FBXO25: variants seen among roughly 807,000 people sequenced by gnomAD.
The protein encoded by FBXO25 is F-box only protein 25.
A neutral mutation model predicts 51.9 loss-of-function variants in FBXO25; 45 were observed. The ratio of observed to expected loss-of-function variants is 0.87; its 90% CI spans 0.68 to 1.11. FBXO25 has a LOEUF of 1.11. Among genes scored for constraint, FBXO25 ranks in the 50% most tolerant of loss-of-function variants. FBXO25 has a pLI of 0.00. For missense variants in FBXO25, 507 were observed against 428.5 expected (o/e 1.18, Z -1.62); for synonymous variants, 199 against 151.0 (o/e 1.32, Z -2.33).
At chr8:419,518 T>G (rs1028178356) in intron 2 of FBXO25, among the ~76,000 whole-genome samples, 1 of 152,194 alleles carries the variant, frequency 6.6e-6, no homozygotes, top group Non-Finnish European at 1.5e-5. Flanking sequence ...GGTCGGTTTG[T>G]TTTTGACAGT....
intron 7 of FBXO25, among the ~76,000 whole-genome samples, chr8:452,249 A>C (rs997369897): frequency 6.6e-6 from 1 of 152,266 alleles, no homozygotes; most frequent in African/African-American, 2.4e-5. Flanking sequence ...ATGATTGCCT[A>C]GTTATGAGTC....
chr8:432,436 C>G (rs906612369), intron 3 of FBXO25, among the ~76,000 whole-genome samples: 1 of 152,086 alleles, frequency 6.6e-6, no homozygotes, highest in African/African-American at 2.4e-5. Flanking sequence ...ACTGTGAATA[C>G]GGGGGGACTA....
At chr8:444,445 A>T (rs1798615895) in intron 5 of FBXO25, among the ~76,000 whole-genome samples, 1 of 152,188 alleles carries the variant, frequency 6.6e-6, no homozygotes. Flanking sequence ...TTCTAGTTTT[A>T]TTATATTACC....
rs1800522297 is a variant in FBXO25 at position 472,764 on chromosome 8, C to CCTAA, written c.*3963_*3966dup. On this transcript the variant is annotated 3_prime_UTR_variant, in exon 10 of 10. Transcript: ENST00000350302. ...ATGGTTTTTCTTTTCATTGCGAAGG[C>CCTAA]CTAACTTAGTAGATAAGTGGACTGT... The CCTAA allele has an allele frequency of 6.6e-6, 1 of 152,294 alleles. No homozygotes were observed. The highest frequency in any genetic ancestry group is 6.5e-5 in the Admixed American group (1 of 15,296). The allele number at this position is 152,294 out of a possible 1,614,324, so 9.4% of individuals were successfully genotyped here. A position where few individuals can be genotyped will look rare whatever the true frequency, so the allele number is the denominator to read the frequency against.
intron 5 of FBXO25, among the ~76,000 whole-genome samples, chr8:447,726 C>T (rs1278497201): frequency 1.3e-5 from 2 of 152,076 alleles, no homozygotes; most frequent in African/African-American, 2.4e-5. Flanking sequence ...TACATATTAC[C>T]TGAAGGTAAT....
chr8:467,936 T>A lies in FBXO25; in HGVS notation c.988-779T>A, dbSNP rs957894152. Reference sequence around the variant, plus strand: ...ACCTCAGCAAGGACGAGAGTGTTGATGAAATATTTTGCAGAACAACACCTG... The same window carrying A: ...ACCTCAGCAAGGACGAGAGTGTTGAAGAAATATTTTGCAGAACAACACCTG... On this transcript the variant is annotated intron_variant, in intron 9 of 9. Transcript: ENST00000350302. 1.7e-5 allele frequency: 25 copies of A among 1,428,626 alleles called. No individual in the cohort carries two copies. The African/African-American group carries it at 3.3e-4, about 19-fold the overall frequency. 88.5% of individuals were successfully genotyped at this position (1,428,626 alleles called of 1,614,324 possible).
In FBXO25 at chr8:477,527, C is replaced by T. The variant is rs1476018525; in HGVS notation, c.*8723C>T. ...TGAAATTATAGGATGTCTGGGATTTCCTTTGAATCCGTGGGGCTGGGAGTA... is the reference window on the plus strand; with the variant it reads ...TGAAATTATAGGATGTCTGGGATTTTCTTTGAATCCGTGGGGCTGGGAGTA... On this transcript the variant is annotated 3_prime_UTR_variant, in exon 10 of 10. Transcript: ENST00000350302. 1 of 152,186 alleles carries T rather than the reference C, an allele frequency of 6.6e-6. No individual in the cohort carries two copies. Among genetic ancestry groups the T allele is most frequent in the Non-Finnish European group, 1.5e-5 (1 of 68,040 alleles). 9.4% of individuals were successfully genotyped at this position (152,186 alleles called of 1,614,324 possible). A position where few individuals can be genotyped will look rare whatever the true frequency, so the allele number is the denominator to read the frequency against.
chr8:468,935 C>T lies in FBXO25; in HGVS notation c.*131C>T, dbSNP rs906458972. ...TTCCAGAAAGCCTGGGAAGAACTGC[C>T]CTTCTGCAAAGGGGGGACTGCATGG... On this transcript the variant is annotated 3_prime_UTR_variant, in exon 10 of 10. Transcript: ENST00000350302. 9 of 792,322 alleles carry T rather than the reference C, an allele frequency of 1.1e-5. No individual in the cohort carries two copies. The highest frequency in any genetic ancestry group is 1.9e-5 in the South Asian group (1 of 53,510). The allele number at this position is 792,322 out of a possible 1,614,324, so 49.1% of individuals were successfully genotyped here.
chr8:417,526 C>G (rs751606035), intron 2 of FBXO25, among the ~76,000 whole-genome samples: 1 of 152,208 alleles, frequency 6.6e-6, no homozygotes, highest in Non-Finnish European at 1.5e-5. Flanking sequence ...GCCTGAGCAG[C>G]TAGAAGGTAG....
chr8:411,774 G>A (rs777436039), intron 1 of FBXO25, among the ~76,000 whole-genome samples: 1 of 152,096 alleles, frequency 6.6e-6, no homozygotes, highest in Non-Finnish European at 1.5e-5. Flanking sequence ...GCAGAAGGGC[G>A]CTGTTTGGAC....
intron 5 of FBXO25, among the ~76,000 whole-genome samples, chr8:448,789 G>T (rs1798893511): frequency 6.6e-6 from 1 of 152,184 alleles, no homozygotes; most frequent in Non-Finnish European, 1.5e-5. Flanking sequence ...GGAGAGGGAT[G>T]GAAGGAAGAA....
At position 474,831 on chromosome 8, in the gene FBXO25, T is replaced by C; in HGVS notation, c.*6027T>C. On this transcript the variant is annotated 3_prime_UTR_variant, in exon 10 of 10. Coordinates refer to ENST00000350302, the MANE Select transcript of FBXO25 (RefSeq NM_183420.2). The stretch of plus-strand genomic sequence containing the variant: ...GTTTTGTTCTTTGATGTACAGAAGT[T>C]GTTTCTTTCTTTTAGTTACCTGTGT... The C allele has an allele frequency of 2.3e-6, 1 of 436,626 alleles. No homozygotes were observed. The highest frequency in any genetic ancestry group is 1.7e-5 in the South Asian group (1 of 60,256). The allele number at this position is 436,626 out of a possible 1,614,324, so 27.0% of individuals were successfully genotyped here. A position where few individuals can be genotyped will look rare whatever the true frequency, so the allele number is the denominator to read the frequency against.
At chr8:432,256 A>C (rs1376646723) in intron 3 of FBXO25, among the ~76,000 whole-genome samples, 3 of 152,032 alleles carry the variant, frequency 2.0e-5, no homozygotes, top group Non-Finnish European at 2.9e-5. Flanking sequence ...TCGCTTGACA[A>C]AGGGAGGATT....
At chr8:450,217 A>G (rs1226228142) in intron 6 of FBXO25, 134 bp downstream of exon 6, 1 of 540,458 alleles carries the variant, frequency 1.9e-6, no homozygotes, top group African/African-American at 2.0e-5. Context: ...TGATAACATC[A>G]GAAATACAGG....
rs192550102 is a variant in FBXO25, at chr8:444,579, T to G, written c.382-5411T>G. 9.4e-4 allele frequency among the ~76,000 whole-genome samples: 143 copies of G among 152,348 alleles called. 1 individual carries two copies. The highest frequency in any genetic ancestry group is 3.0e-3 in the African/African-American group (124 of 41,584). ...TGTGTGAAAAAAAATACAGATTCTC[T>G]ATTTGAAGGATGTACTTTCTTTCTC... On this transcript the variant is annotated intron_variant, in intron 5 of 9. Transcript: ENST00000350302.
intron 2 of FBXO25, among the ~76,000 whole-genome samples, chr8:428,366 G>A (rs187457029): frequency 6.6e-6 from 1 of 152,238 alleles, no homozygotes; most frequent in East Asian, 1.9e-4. Flanking sequence ...TCATACAAGT[G>A]TGTTTGTGCC....
intron 7 of FBXO25, among the ~76,000 whole-genome samples, chr8:452,602 T>C (rs1401997059): frequency 6.6e-6 from 1 of 152,178 alleles, no homozygotes; most frequent in Non-Finnish European, 1.5e-5. Flanking sequence ...ATAGGGTGTG[T>C]CCTTGTCCAT....
chr8:441,069 G>C (rs959950068), intron 5 of FBXO25, among the ~76,000 whole-genome samples: 1 of 148,604 alleles, frequency 6.7e-6, no homozygotes, highest in African/African-American at 2.5e-5. Context: ...TGTCTTTATA[G>C]TAGAATGATT....
intron 9 of FBXO25, chr8:468,362 C>A: frequency 1.3e-6 from 1 of 778,174 alleles, no homozygotes; most frequent in South Asian, 5.8e-5. Flanking sequence ...ATGGCTGGGA[C>A]CAGAGGACAG....
Sources: gnomAD v4.1 joint callset for allele counts (sites outside exome capture counted in the v4.1 genomes callset) on GRCh38, gnomAD v4.1.1 for gene constraint, MANE v1.5 for transcripts, NCBI Gene and HGNC (gene_info 2026-07-23, HGNC 2026-07-21) for gene names.